Variants in CKM observed in about 807,000 individuals in gnomAD.
The protein encoded by CKM is creatine kinase, M-type, also known as creatine kinase M-type.
A neutral mutation model predicts 35.4 loss-of-function variants in CKM; 28 were observed. The observed-to-expected ratio is 0.79, with a 90% CI of 0.59 to 1.08. CKM has a LOEUF of 1.08. Ranked by LOEUF, CKM falls within the 50% of genes least tolerant of loss-of-function variation. CKM has a pLI of 0.00. For synonymous variants in CKM, 215 were observed against 204.4 expected, an observed-to-expected ratio of 1.05 and a Z score of -0.44; for missense variants, 484 against 509.8, an observed-to-expected ratio of 0.95 and a Z score of 0.49.
At chr19:45,322,615 C>T (rs1971223569) in intron 1 of CKM, among the ~76,000 whole-genome samples, 1 of 152,174 alleles carries the variant, frequency 6.6e-6, no homozygotes, top group Admixed American at 6.5e-5. Flanking sequence ...AATCACAGGT[C>T]CCAGTGGGGG....
intron 1 of CKM, among the ~76,000 whole-genome samples, chr19:45,320,931 C>T (rs1471416812): frequency 1.4e-5 from 2 of 144,318 alleles, no homozygotes; most frequent in African/African-American, 5.2e-5. Flanking sequence ...GACAGAGTCT[C>T]GCTCTGTCGC....
In CKM at chr19:45,319,436, C is replaced by G. The variant is rs545497597; in HGVS notation, c.193+85G>C. 102 of 1,094,156 alleles carry G rather than the reference C, an allele frequency of 9.3e-5. No individual in the cohort carries two copies. In the South Asian group the frequency reaches 1.2e-3, roughly 13 times the overall value. The allele number at this position is 1,094,156 out of a possible 1,614,324, so 67.8% of individuals were successfully genotyped here. The stretch of plus-strand genomic sequence containing the variant: ...GATGAGAAAACTGAGGCCCCCCCCC[C>G]TTCAAGGGTGGTGGGATTGGGGCAT... On this transcript the variant is annotated intron_variant, in intron 2 of 7. Coordinates refer to ENST00000221476, the MANE Select transcript of CKM (RefSeq NM_001824.5).
intron 6 of CKM, 71 bp downstream of exon 6, chr19:45,308,338 G>A: frequency 6.3e-7 from 1 of 1,593,354 alleles, no homozygotes; most frequent in Non-Finnish European, 8.6e-7. Flanking sequence ...AGGGGAAGGG[G>A]CGGGGCCTCG....
chr19:45,318,064 A>G, intron 2 of CKM, 85 bp from the exon 3 acceptor site: 3 of 1,204,044 alleles, frequency 2.5e-6, no homozygotes, highest in South Asian at 1.2e-5. Flanking sequence ...CTGTGTGGAC[A>G]TGTGTGTCGG....
At chr19:45,310,198 T>G (rs1971094208) in intron 5 of CKM, among the ~76,000 whole-genome samples, 1 of 140,598 alleles carries the variant, frequency 7.1e-6, no homozygotes, top group Non-Finnish European at 1.5e-5. Flanking sequence ...TTGGCTCACT[T>G]CAAGCTCCGC....
intron 2 of CKM, 63 bp downstream of exon 2, chr19:45,319,458 G>A (rs903392994): frequency 1.0e-5 from 14 of 1,363,906 alleles, no homozygotes; most frequent in East Asian, 2.3e-5. Flanking sequence ...TGGGATTGGG[G>A]CATGGCCGGC....
intron 1 of CKM, among the ~76,000 whole-genome samples, chr19:45,320,912 T>TATTATTATG (rs1568513466): frequency 6.6e-6 from 1 of 151,762 alleles, no homozygotes; most frequent in Non-Finnish European, 1.5e-5. Flanking sequence ...TTATTATTAT[T>TATTATTATG]ATGTTTGAGA....
intron 1 of CKM, among the ~76,000 whole-genome samples, chr19:45,322,444 C>T (rs1482660927): frequency 6.6e-6 from 1 of 152,194 alleles, no homozygotes; most frequent in African/African-American, 2.4e-5. Context: ...CTCTGCTAGG[C>T]GACAGACACA....
intron 6 of CKM, 88 bp from the exon 7 acceptor site, chr19:45,307,738 C>T: frequency 8.4e-6 from 9 of 1,067,922 alleles, no homozygotes; most frequent in Non-Finnish European, 1.3e-5. Context: ...AGGGACAGGG[C>T]GTGGGAACGT....
intron 4 of CKM, among the ~76,000 whole-genome samples, chr19:45,313,467 G>T (rs934335814): frequency 1.3e-5 from 2 of 152,138 alleles, no homozygotes; most frequent in Non-Finnish European, 2.9e-5. Flanking sequence ...ACATGATTTT[G>T]AAATCAGGCC....
intron 1 of CKM, among the ~76,000 whole-genome samples, chr19:45,320,010 T>C (rs1463312753): frequency 2.6e-5 from 4 of 151,908 alleles, no homozygotes; most frequent in Admixed American, 6.6e-5. Context: ...AGGATAGTCT[T>C]GATCTCCTGA....
chr19:45,309,555 C>CA (rs1157606063), intron 5 of CKM, among the ~76,000 whole-genome samples: 12,390 of 74,628 alleles, frequency 0.17, 803 homozygotes, highest in Middle Eastern at 0.26. Context: ...GACCCTGTCT[C>CA]AAAAAAAAAA....
chr19:45,307,769 G>A (rs1348066746), intron 6 of CKM, 119 bp from the exon 7 acceptor site: 3 of 775,468 alleles, frequency 3.9e-6, no homozygotes, highest in East Asian at 2.7e-5. Flanking sequence ...GGATTCTGAG[G>A]GGAACAGGGA....
At chr19:45,313,085 A>ATAAG (rs1971125338) in intron 4 of CKM, among the ~76,000 whole-genome samples, 2 of 152,184 alleles carry the variant, frequency 1.3e-5, no homozygotes, top group African/African-American at 4.8e-5. Context: ...ATATTCATAT[A>ATAAG]ATATACAGAC....
chr19:45,321,322 G>A (rs1220764583), intron 1 of CKM, among the ~76,000 whole-genome samples: 1 of 151,970 alleles, frequency 6.6e-6, no homozygotes, highest in South Asian at 2.1e-4. Flanking sequence ...GGGCTGGGTC[G>A]GGGGAGGGCT....
intron 6 of CKM, 89 bp downstream of exon 6, chr19:45,308,320 C>T (rs1374361112): frequency 1.3e-6 from 2 of 1,514,058 alleles, no homozygotes; most frequent in African/African-American, 2.9e-5. Context: ...TGGGGCAGGG[C>T]TTAGTATAGG....
chr19:45,318,103 G>A (rs1263705140), intron 2 of CKM, 124 bp from the exon 3 acceptor site: 7 of 730,230 alleles, frequency 9.6e-6, no homozygotes, highest in Non-Finnish European at 1.6e-5. Flanking sequence ...CAATACCTCT[G>A]GGTGGGAATT....
intron 1 of CKM, among the ~76,000 whole-genome samples, chr19:45,320,791 A>G (rs1193549529): frequency 6.6e-6 from 1 of 152,204 alleles, no homozygotes; most frequent in East Asian, 1.9e-4. Context: ...TCCTAACAGC[A>G]CTTGCCGCAT....
Position 45,315,607 on chromosome 19 carries a change from G to A in CKM, c.349-10C>T, listed in dbSNP as rs200772087. The stretch of plus-strand genomic sequence containing the variant: ...CCAGGTCGTCTCCACCCTGGAGAGC[G>A]GGTGGGAGATCAGGACCAGGCAGAT... On this transcript the variant is annotated splice_polypyrimidine_tract_variant and intron_variant, in intron 3 of 7. Coordinates refer to ENST00000221476, the MANE Select transcript of CKM (RefSeq NM_001824.5). 1.2e-5 allele frequency: 20 copies of A among 1,602,664 alleles called. No individual in the cohort carries two copies. Among genetic ancestry groups the A allele is most frequent in the African/African-American group, 6.7e-5 (5 of 75,036 alleles).
Sources: gnomAD v4.1 joint callset for allele counts (sites outside exome capture counted in the v4.1 genomes callset) on GRCh38, gnomAD v4.1.1 for gene constraint, MANE v1.5 for transcripts, NCBI Gene and HGNC (gene_info 2026-07-23, HGNC 2026-07-21) for gene names.